Variants in CSMD1 observed in about 807,000 individuals in gnomAD.
CSMD1 encodes CUB and sushi domain-containing protein 1.
Under a neutral mutation model 417.5 loss-of-function variants are expected in CSMD1, and 213 were observed. The ratio of observed to expected loss-of-function variants is 0.51; its 90% CI spans 0.46 to 0.57. The LOEUF is 0.57. Among genes scored for constraint, CSMD1 ranks in the 20% least tolerant of loss-of-function variants. The pLI is 0.00. For missense variants in CSMD1, 6,923 were observed against 4,529.7 expected (o/e 1.53, Z -15.17); for synonymous variants, 2,862 against 1,736.8 (o/e 1.65, Z -16.11).
chr8:3,538,703 T>C (rs996486705), intron 10 of CSMD1, among the ~76,000 whole-genome samples: 2 of 152,240 alleles, frequency 1.3e-5, no homozygotes, highest in East Asian at 3.9e-4. Flanking sequence ...CTGCCATCTT[T>C]GATTGCCCCT....
chr8:4,788,365 C>T, intron 1 of CSMD1: 4 of 1,471,602 alleles, frequency 2.7e-6, no homozygotes, highest in Non-Finnish European at 3.8e-6. Flanking sequence ...ACCTGTCCTC[C>T]CCTCACACCA....
At chr8:4,777,972 G>T (rs78429997) in intron 1 of CSMD1, among the ~76,000 whole-genome samples, 23,545 of 152,032 alleles carry the variant, frequency 0.15, 1,914 homozygotes, top group East Asian at 0.33. Context: ...GTTTTACATA[G>T]GGTTAAGCTT....
intron 3 of CSMD1, among the ~76,000 whole-genome samples, chr8:4,246,684 T>C (rs889411416): frequency 6.6e-6 from 1 of 152,114 alleles, no homozygotes; most frequent in Non-Finnish European, 1.5e-5. Flanking sequence ...CTTAACCCAT[T>C]TTTCCTTAAT....
At chr8:3,317,871 C>T (rs961587443) in intron 23 of CSMD1, among the ~76,000 whole-genome samples, 11 of 152,178 alleles carry the variant, frequency 7.2e-5, no homozygotes, top group African/African-American at 1.2e-4. Context: ...AGTGCAGTGG[C>T]GCCATCTTGG....
chr8:3,367,176 T>C lies in CSMD1; in HGVS notation c.2971A>G (p.Ser991Gly). 6.2e-7 allele frequency: 1 copy of C among 1,613,592 alleles called. No homozygotes were observed. Among genetic ancestry groups the C allele is most frequent in the African/African-American group, 1.3e-5 (1 of 74,980 alleles). ...AGCCTGGCAACGGGCTCGGAAAAAC[T>C]TCCATCCTCTGTGATCAGTAAATAG... Reference protein sequence around the residue: ...HDYLLITEDGSFSEPVARLTG... With the variant: ...HDYLLITEDGGFSEPVARLTG... The change falls in exon 20 of 70, where the codon AGT (serine) becomes GGT (glycine). Residue 991 changes from serine to glycine, a missense_variant. Physicochemically the swap from Ser to Gly is moderately conservative, Grantham distance 56. Transcript: ENST00000635120.
chr8:4,178,769 C>G (rs1287116023), intron 3 of CSMD1, among the ~76,000 whole-genome samples: 1 of 152,128 alleles, frequency 6.6e-6, no homozygotes, highest in Non-Finnish European at 1.5e-5. Context: ...AAATTACAAG[C>G]ATTGTTATAC....
intron 2 of CSMD1, among the ~76,000 whole-genome samples, chr8:4,451,730 T>G (rs1406779600): frequency 2.0e-5 from 3 of 151,988 alleles, no homozygotes; most frequent in Non-Finnish European, 4.4e-5. Flanking sequence ...TAAAACAAAT[T>G]ACAACAACAA....
At chr8:4,181,312 C>G (rs553635676) in intron 3 of CSMD1, among the ~76,000 whole-genome samples, 4 of 152,202 alleles carry the variant, frequency 2.6e-5, no homozygotes, top group African/African-American at 9.6e-5. Flanking sequence ...TGATTTATGA[C>G]ATATATATCC....
At chr8:4,343,166 T>G (rs1382174874) in intron 3 of CSMD1, among the ~76,000 whole-genome samples, 1 of 152,054 alleles carries the variant, frequency 6.6e-6, no homozygotes, top group South Asian at 2.1e-4. Context: ...ATGTATTTGG[T>G]AAAATACAAG....
intron 5 of CSMD1, among the ~76,000 whole-genome samples, chr8:3,790,369 G>C (rs375415959): frequency 1.3e-5 from 2 of 152,044 alleles, no homozygotes; most frequent in African/African-American, 4.8e-5. Flanking sequence ...GATAGTGACG[G>C]TGATGGTTAT....
chr8:4,405,774 T>C (rs1251650384), intron 3 of CSMD1, among the ~76,000 whole-genome samples: 1 of 152,178 alleles, frequency 6.6e-6, no homozygotes, highest in East Asian at 1.9e-4. Flanking sequence ...TTAAGCTGTA[T>C]TTGAGTTTGT....
chr8:4,232,665 A>G (rs1027447024), intron 3 of CSMD1, among the ~76,000 whole-genome samples: 2 of 150,160 alleles, frequency 1.3e-5, no homozygotes, highest in South Asian at 4.2e-4. Flanking sequence ...TTTCTTAACT[A>G]AAACTCTCAC....
At chr8:4,111,716 C>T (rs1031643112) in intron 3 of CSMD1, among the ~76,000 whole-genome samples, 2 of 152,060 alleles carry the variant, frequency 1.3e-5, no homozygotes, top group African/African-American at 4.8e-5. Context: ...GGGAGCTGAA[C>T]AGTAGGAACA....
At chr8:4,711,978 G>A (rs1208853494) in intron 1 of CSMD1, among the ~76,000 whole-genome samples, 1 of 152,172 alleles carries the variant, frequency 6.6e-6, no homozygotes, top group East Asian at 1.9e-4. Flanking sequence ...TTAAACTCAA[G>A]TCAGTGATTT....
intron 20 of CSMD1, among the ~76,000 whole-genome samples, chr8:3,363,023 C>T (rs1398038352): frequency 6.6e-6 from 1 of 152,186 alleles, no homozygotes; most frequent in Admixed American, 6.5e-5. Context: ...ATGTTATCTG[C>T]CCTCCATAAC....
At position 4,266,928 on chromosome 8, in the gene CSMD1, AT is replaced by A. The variant is rs1205019775; in HGVS notation, c.415+153024del. ...AACTGATTAATAAAAACCAAATGAC[AT>A]TTAGTAAAATATCTATTATTGAATA... On this transcript the variant is annotated intron_variant, in intron 3 of 69. Transcript: ENST00000635120. Among the ~76,000 whole-genome samples, 6 of 104,144 alleles carry A rather than the reference AT, an allele frequency of 5.8e-5. 3 individuals carry two copies. Among genetic ancestry groups the A allele is most frequent in the Admixed American group, 5.5e-4 (6 of 10,954 alleles). The allele number at this position is 104,144 out of a possible 152,430, so 68.3% of individuals were successfully genotyped here.
intron 2 of CSMD1, among the ~76,000 whole-genome samples, chr8:4,562,530 T>C (rs1277095782): frequency 6.6e-6 from 1 of 152,228 alleles, no homozygotes; most frequent in East Asian, 1.9e-4. Context: ...AAGATAACTT[T>C]AGTTATTAAA....
At chr8:3,886,091 C>T (rs1806545890) in intron 5 of CSMD1, among the ~76,000 whole-genome samples, 1 of 152,002 alleles carries the variant, frequency 6.6e-6, no homozygotes, top group Non-Finnish European at 1.5e-5. Flanking sequence ...TGCTCTGTCG[C>T]CTATGCTGGA....
chr8:3,220,686 C>T (rs900212092), intron 28 of CSMD1, among the ~76,000 whole-genome samples: 1 of 152,090 alleles, frequency 6.6e-6, no homozygotes, highest in South Asian at 2.1e-4. Context: ...CAAAAATTAG[C>T]AGAGCATGGT....
Sources: gnomAD v4.1 joint callset for allele counts (sites outside exome capture counted in the v4.1 genomes callset) on GRCh38, gnomAD v4.1.1 for gene constraint, MANE v1.5 for transcripts, NCBI Gene and HGNC (gene_info 2026-07-23, HGNC 2026-07-21) for gene names.